The following MCPH1 variants were observed in gnomAD, a reference collection of about 807,000 sequenced individuals.
The protein encoded by MCPH1 is microcephalin.
MCPH1 carries 104 observed loss-of-function variants against 84.5 expected under a neutral mutation model. The ratio of observed to expected loss-of-function variants is 1.23; its 90% CI spans 1.05 to 1.45. MCPH1 has a LOEUF of 1.45. Ranked by LOEUF, MCPH1 falls within the 40% of genes most tolerant of loss-of-function variation. The pLI, the probability that MCPH1 is intolerant of heterozygous loss-of-function variation, is 0.00. For missense variants in MCPH1, 1,498 were observed against 1,005.7 expected (o/e 1.49, Z -6.62); for synonymous variants, 514 against 366.8 (o/e 1.40, Z -4.58).
chr8:6,497,382 A>G (rs1811357628), intron 11 of MCPH1, among the ~76,000 whole-genome samples: 2 of 152,188 alleles, frequency 1.3e-5, no homozygotes, highest in Admixed American at 6.5e-5. Flanking sequence ...GTGCGCCTGT[A>G]GTCTCAGCTA....
chr8:6,478,535 C>A (rs1808771178), intron 10 of MCPH1, among the ~76,000 whole-genome samples: 1 of 152,040 alleles, frequency 6.6e-6, no homozygotes, highest in Admixed American at 6.5e-5. Context: ...TTCATTTAGG[C>A]CGTCTTCTTG....
intron 3 of MCPH1, among the ~76,000 whole-genome samples, chr8:6,421,121 G>T (rs1394619154): frequency 6.6e-6 from 1 of 152,208 alleles, no homozygotes; most frequent in Admixed American, 6.5e-5. Context: ...AGGAAGTTGT[G>T]TGGGTGCCCA....
At chr8:6,543,070 G>C (rs958138181) in intron 12 of MCPH1, among the ~76,000 whole-genome samples, 6 of 152,048 alleles carry the variant, frequency 3.9e-5, no homozygotes, top group Admixed American at 3.9e-4. Context: ...TGCCCTGCCG[G>C]GTCCCACTGC....
At chr8:6,625,935 T>C in intron 13 of MCPH1, 1 of 984,568 alleles carries the variant, frequency 1.0e-6, no homozygotes, top group Non-Finnish European at 1.2e-6. Flanking sequence ...TTCTTTTCTT[T>C]TCCTTTCTTT....
intron 3 of MCPH1, among the ~76,000 whole-genome samples, chr8:6,416,799 G>C (rs1260097988): frequency 6.8e-6 from 1 of 147,096 alleles, no homozygotes; most frequent in African/African-American, 2.4e-5. Flanking sequence ...TTTGAGACCA[G>C]CCTGATCAAT....
chr8:6,586,733 A>G (rs976948292), intron 12 of MCPH1, among the ~76,000 whole-genome samples: 38 of 152,176 alleles, frequency 2.5e-4, no homozygotes, highest in Admixed American at 1.3e-3. Context: ...ATTCATTTCT[A>G]TGGGCCGCGG....
At chr8:6,493,765 A>G (rs578103849) in intron 11 of MCPH1, among the ~76,000 whole-genome samples, 23 of 152,226 alleles carry the variant, frequency 1.5e-4, no homozygotes, top group African/African-American at 5.3e-4. Flanking sequence ...TCGGGGGTGG[A>G]GATGAGACAG....
chr8:6,462,065 T>C (rs754976287), intron 9 of MCPH1, among the ~76,000 whole-genome samples: 4 of 152,218 alleles, frequency 2.6e-5, no homozygotes, highest in Non-Finnish European at 5.9e-5. Flanking sequence ...GAAGGCAAGC[T>C]GTGGGTCAGA....
chr8:6,628,469 C>CAAAAAAA (rs34188003), intron 13 of MCPH1, among the ~76,000 whole-genome samples: 1 of 41,580 alleles, frequency 2.4e-5, no homozygotes, highest in Non-Finnish European at 4.8e-5. Context: ...GACTCTGTCT[C>CAAAAAAA]AAAAAAAAAA....
At chr8:6,457,342 C>T (rs1262211671) in intron 9 of MCPH1, among the ~76,000 whole-genome samples, 4 of 152,056 alleles carry the variant, frequency 2.6e-5, no homozygotes, top group Non-Finnish European at 4.4e-5. Flanking sequence ...CCTATAATCC[C>T]GGTACTTTGG....
intron 11 of MCPH1, among the ~76,000 whole-genome samples, chr8:6,486,568 G>A (rs539217117): frequency 1.4e-3 from 209 of 152,268 alleles, no homozygotes; most frequent in Admixed American, 3.0e-3. Flanking sequence ...AGTTCAGTTT[G>A]AATTTTGACT....
At chr8:6,499,066 T>TAAA in intron 11 of MCPH1, among the ~76,000 whole-genome samples, 1 of 148,088 alleles carries the variant, frequency 6.8e-6, no homozygotes, top group East Asian at 2.0e-4. Flanking sequence ...AATAAATAAA[T>TAAA]TAAATAAATA....
intron 13 of MCPH1, among the ~76,000 whole-genome samples, chr8:6,631,153 C>G (rs762011648): frequency 1.3e-5 from 2 of 152,208 alleles, no homozygotes; most frequent in Admixed American, 1.3e-4. Context: ...TTCCCAGTTC[C>G]CTTCCTCAAG....
At chr8:6,555,150 C>T (rs1483105837) in intron 12 of MCPH1, among the ~76,000 whole-genome samples, 1 of 152,068 alleles carries the variant, frequency 6.6e-6, no homozygotes, top group Non-Finnish European at 1.5e-5. Context: ...CATTCAACTT[C>T]ACATCATTTT....
rs142753428 is a variant in MCPH1, at chr8:6,453,833, G to C, written c.1826-1310G>C. Among the ~76,000 whole-genome samples, 350 of 152,298 alleles carry C rather than the reference G, an allele frequency of 2.3e-3. 1 individual carries two copies. The highest frequency in any genetic ancestry group is 3.7e-3 in the Non-Finnish European group (251 of 68,020). On this transcript the variant is annotated intron_variant, in intron 8 of 13. Transcript: ENST00000344683. ...AGATACCTGAGGAGGTACGGGATCAGTCAGGATGTGACTGGTTTGAGTCTC... is the reference window on the plus strand; with the variant it reads ...AGATACCTGAGGAGGTACGGGATCACTCAGGATGTGACTGGTTTGAGTCTC...
intron 12 of MCPH1, among the ~76,000 whole-genome samples, chr8:6,611,370 C>T (rs1830251350): frequency 1.3e-5 from 2 of 152,182 alleles, no homozygotes; most frequent in Admixed American, 1.3e-4. Context: ...TCAGGGGTTG[C>T]CACAACCCCC....
intron 12 of MCPH1, among the ~76,000 whole-genome samples, chr8:6,525,243 C>T (rs1206091682): frequency 6.6e-6 from 1 of 152,086 alleles, no homozygotes; most frequent in African/African-American, 2.4e-5. Context: ...GTATTCCAGC[C>T]CCCTGATCGT....
At chr8:6,489,095 A>G (rs750148682) in intron 11 of MCPH1, among the ~76,000 whole-genome samples, 1 of 152,138 alleles carries the variant, frequency 6.6e-6, no homozygotes, top group Non-Finnish European at 1.5e-5. Flanking sequence ...TTGGGGTACA[A>G]TAAAAAATTG....
At position 6,647,652 on chromosome 8, in the gene MCPH1, C is replaced by A. The variant is rs1296936102; in HGVS notation, c.*4603C>A. ...CCTCAGAAACATAAGTGAAAGAGGT[C>A]AGACACAAAAGACTACAAATTGTAA... On this transcript the variant is annotated 3_prime_UTR_variant, in exon 14 of 14. Transcript: ENST00000344683. 1 of 152,156 alleles carries A rather than the reference C, an allele frequency of 6.6e-6. No homozygotes were observed. Among genetic ancestry groups the A allele is most frequent in the Non-Finnish European group, 1.5e-5 (1 of 68,032 alleles). 9.4% of individuals were successfully genotyped at this position (152,156 alleles called of 1,614,324 possible).
Sources: allele counts gnomAD v4.1 joint callset (sites outside exome capture counted in the v4.1 genomes callset), GRCh38; gene constraint gnomAD v4.1.1; transcripts MANE v1.5; gene names NCBI Gene and HGNC (gene_info 2026-07-23, HGNC 2026-07-21).